The following NEGR1 variants were observed in gnomAD, a reference collection of about 807,000 sequenced individuals.
NEGR1 encodes IgLON family member 4.
Under a neutral mutation model 40.9 loss-of-function variants are expected in NEGR1, and 10 were observed. The observed-to-expected ratio is 0.24, with a 90% confidence interval of 0.15 to 0.42. NEGR1 has a LOEUF of 0.42. Among genes scored for constraint, NEGR1 ranks in the 10% least tolerant of loss-of-function variants. The probability of loss-of-function intolerance (pLI) is 1.00; values close to 1 mark genes in which losing one functional copy is unlikely to be tolerated. For synonymous variants in NEGR1, 185 were observed against 166.8 expected, an observed-to-expected ratio of 1.11 and a Z score of -0.84; for missense variants, 352 against 438.9, an observed-to-expected ratio of 0.80 and a Z score of 1.77.
At chr1:71,979,579 T>C (rs924094375) in intron 1 of NEGR1, among the ~76,000 whole-genome samples, 1 of 151,988 alleles carries the variant, frequency 6.6e-6, no homozygotes, top group African/African-American at 2.4e-5. Context: ...TACACTAAAA[T>C]GTCAGTAAAG....
intron 3 of NEGR1, among the ~76,000 whole-genome samples, chr1:71,764,470 G>T (rs187180002): frequency 6.6e-6 from 1 of 151,952 alleles, no homozygotes; most frequent in Non-Finnish European, 1.5e-5. Flanking sequence ...GTTTATTTTA[G>T]ACTATGGAAA....
intron 1 of NEGR1, among the ~76,000 whole-genome samples, chr1:72,279,830 G>C (rs955472726): frequency 2.0e-5 from 3 of 152,080 alleles, no homozygotes; most frequent in African/African-American, 7.2e-5. Context: ...TTTTCTAATG[G>C]AGAGAGAATT....
chr1:71,639,492 G>C (rs1651274951), intron 4 of NEGR1, among the ~76,000 whole-genome samples: 1 of 152,038 alleles, frequency 6.6e-6, no homozygotes, highest in South Asian at 2.1e-4. Flanking sequence ...GCAGCTTGTG[G>C]GTGAGTCTGC....
At chr1:72,248,317 G>T (rs1364455710) in intron 1 of NEGR1, among the ~76,000 whole-genome samples, 1 of 152,038 alleles carries the variant, frequency 6.6e-6, no homozygotes, top group Non-Finnish European at 1.5e-5. Flanking sequence ...GTGTGCAGTG[G>T]CATGATCTCA....
At chr1:72,094,715 G>A (rs533878020) in intron 1 of NEGR1, among the ~76,000 whole-genome samples, 1 of 152,278 alleles carries the variant, frequency 6.6e-6, no homozygotes, top group Non-Finnish European at 1.5e-5. Context: ...ACAGAAACCT[G>A]CTGTCTACCC....
intron 1 of NEGR1, among the ~76,000 whole-genome samples, chr1:72,237,471 G>A (rs958147603): frequency 1.1e-4 from 17 of 151,816 alleles, no homozygotes; most frequent in African/African-American, 3.9e-4. Flanking sequence ...TTCCTAGTTC[G>A]TAGGCCATTA....
chr1:72,084,382 T>C (rs1648128095), intron 1 of NEGR1, among the ~76,000 whole-genome samples: 2 of 152,224 alleles, frequency 1.3e-5, no homozygotes, highest in Non-Finnish European at 2.9e-5. Context: ...TACCTTCTTG[T>C]TGCAGCATTC....
chr1:72,121,648 C>T (rs1156310830), intron 1 of NEGR1, among the ~76,000 whole-genome samples: 2 of 151,874 alleles, frequency 1.3e-5, no homozygotes, highest in African/African-American at 4.8e-5. Context: ...ATTTAAAATT[C>T]ATCAGGATAG....
At chr1:72,210,843 AAGGTTC>A (rs1653577903) in intron 1 of NEGR1, among the ~76,000 whole-genome samples, 1 of 151,908 alleles carries the variant, frequency 6.6e-6, no homozygotes, top group Non-Finnish European at 1.5e-5. Context: ...AGTAAAAAAC[AAGGTTC>A]ACTGATACAG....
At chr1:71,459,325 G>T (rs191539860) in intron 6 of NEGR1, among the ~76,000 whole-genome samples, 2 of 152,096 alleles carry the variant, frequency 1.3e-5, no homozygotes, top group Admixed American at 1.3e-4. Flanking sequence ...GTCTCAAATG[G>T]TTCACTAATC....
chr1:71,809,800 A>G (rs1430277464), intron 2 of NEGR1, among the ~76,000 whole-genome samples: 1 of 152,084 alleles, frequency 6.6e-6, no homozygotes, highest in Non-Finnish European at 1.5e-5. Context: ...TCAACATTCT[A>G]AAGTGACTCC....
At chr1:71,863,630 A>G (rs1260790851) in intron 2 of NEGR1, among the ~76,000 whole-genome samples, 1 of 152,180 alleles carries the variant, frequency 6.6e-6, no homozygotes, top group African/African-American at 2.4e-5. Context: ...GAAATATGTG[A>G]ATACACAAGT....
intron 1 of NEGR1, among the ~76,000 whole-genome samples, chr1:72,101,113 T>C (rs1037345669): frequency 5.3e-5 from 8 of 152,174 alleles, no homozygotes; most frequent in African/African-American, 1.4e-4. Context: ...AGGGGACGTA[T>C]TGCAGTCCAC....
chr1:72,259,815 A>G (rs1219969843), intron 1 of NEGR1, among the ~76,000 whole-genome samples: 1 of 152,114 alleles, frequency 6.6e-6, no homozygotes. Flanking sequence ...CTATTCTTGT[A>G]TATGGTTCTA....
intron 2 of NEGR1, among the ~76,000 whole-genome samples, chr1:71,790,862 A>C (rs1366456254): frequency 6.6e-6 from 1 of 152,088 alleles, no homozygotes; most frequent in Non-Finnish European, 1.5e-5. Flanking sequence ...CTCAAGGAAA[A>C]TGCCATTAAA....
At chr1:71,687,391 C>T (rs1653074319) in intron 4 of NEGR1, among the ~76,000 whole-genome samples, 1 of 151,990 alleles carries the variant, frequency 6.6e-6, no homozygotes, top group African/African-American at 2.4e-5. Context: ...TGTTTAATGC[C>T]CCTGGCACAG....
intron 1 of NEGR1, among the ~76,000 whole-genome samples, chr1:71,992,566 T>C (rs1378332781): frequency 1.3e-5 from 2 of 152,242 alleles, no homozygotes; most frequent in African/African-American, 4.8e-5. Context: ...TTTAAACATG[T>C]AATCAATATA....
chr1:72,183,961 G>T (rs1400744455), intron 1 of NEGR1, among the ~76,000 whole-genome samples: 1 of 152,042 alleles, frequency 6.6e-6, no homozygotes, highest in African/African-American at 2.4e-5. Flanking sequence ...TATAGACAAA[G>T]CTGCTTGAAT....
intron 1 of NEGR1, among the ~76,000 whole-genome samples, chr1:72,226,895 T>C (rs538174663): frequency 2.6e-5 from 4 of 152,204 alleles, no homozygotes; most frequent in South Asian, 2.1e-4. Flanking sequence ...AGTTCAATTA[T>C]TGTCATATTA....
Sources: allele counts gnomAD v4.1 joint callset (sites outside exome capture counted in the v4.1 genomes callset), GRCh38; gene constraint gnomAD v4.1.1; transcripts MANE v1.5; gene names NCBI Gene and HGNC (gene_info 2026-07-23, HGNC 2026-07-21).